C1orf21: variants seen among roughly 807,000 people sequenced by gnomAD.
C1orf21 encodes chromosome 1 open reading frame 21, also known as uncharacterized protein C1orf21.
C1orf21 carries 3 observed loss-of-function variants against 18.7 expected under a neutral mutation model. The observed-to-expected ratio is 0.16, with a 90% CI of 0.07 to 0.42. The LOEUF is 0.42. Ranked by LOEUF, C1orf21 falls within the 10% of genes least tolerant of loss-of-function variation. The pLI, the probability that C1orf21 is intolerant of heterozygous loss-of-function variation, is 0.99. For synonymous variants in C1orf21, 41 were observed against 46.4 expected (o/e 0.88, Z 0.47); for missense variants, 104 against 143.6 (o/e 0.72, Z 1.41).
At chr1:184,420,134 G>A (rs1194331876) in intron 1 of C1orf21, among the ~76,000 whole-genome samples, 2 of 152,068 alleles carry the variant, frequency 1.3e-5, no homozygotes, top group East Asian at 1.9e-4. Context: ...CAAAATGGAA[G>A]GAAGTTTTCA....
chr1:184,606,684 G>A (rs1659651431), intron 5 of C1orf21, among the ~76,000 whole-genome samples: 1 of 152,032 alleles, frequency 6.6e-6, no homozygotes, highest in Non-Finnish European at 1.5e-5. Flanking sequence ...TTGTAAGACT[G>A]ACTTCTTTGA....
At chr1:184,391,168 C>G (rs1247624187) in intron 1 of C1orf21, among the ~76,000 whole-genome samples, 4 of 152,050 alleles carry the variant, frequency 2.6e-5, no homozygotes, top group Non-Finnish European at 5.9e-5. Flanking sequence ...GCAATTATGA[C>G]AAGAGTGGTT....
chr1:184,455,916 G>A (rs1271356090), intron 1 of C1orf21, among the ~76,000 whole-genome samples: 2 of 152,204 alleles, frequency 1.3e-5, no homozygotes, highest in Middle Eastern at 3.4e-3. Context: ...CCTTTGGAAC[G>A]TTAAATTATT....
chr1:184,399,105 G>A (rs1656107963), intron 1 of C1orf21, among the ~76,000 whole-genome samples: 2 of 152,046 alleles, frequency 1.3e-5, no homozygotes, highest in South Asian at 4.2e-4. Context: ...CCTGAGAGAT[G>A]CATTTGTCTT....
intron 3 of C1orf21, among the ~76,000 whole-genome samples, chr1:184,537,646 C>A (rs903076644): frequency 1.3e-5 from 2 of 151,948 alleles, no homozygotes; most frequent in African/African-American, 4.8e-5. Flanking sequence ...AATTTCAATT[C>A]TTTTTATTTT....
Position 184,477,467 on chromosome 1 carries a change from A to G in C1orf21, c.-43A>G. ...AAAAAATGTCCCTGTGTCTGTAGAG[A>G]TGATTTGCAGTTCAGCCCGGCTGAA... is the stretch of plus-strand genomic sequence containing the variant. On this transcript the variant is annotated 5_prime_UTR_variant, in exon 2 of 6. It removes an upstream start codon present in the reference 5' UTR. Coordinates refer to ENST00000235307, the MANE Select transcript of C1orf21 (RefSeq NM_030806.4). The G allele has an allele frequency of 6.5e-7, 1 of 1,532,642 alleles. No individual in the cohort carries two copies. Among genetic ancestry groups the G allele is most frequent in the Non-Finnish European group, 9.0e-7 (1 of 1,112,566 alleles). 94.9% of individuals were successfully genotyped at this position (1,532,642 alleles called of 1,614,324 possible).
intron 3 of C1orf21, among the ~76,000 whole-genome samples, chr1:184,549,914 T>C (rs1009337302): frequency 6.6e-6 from 1 of 152,240 alleles, no homozygotes; most frequent in Non-Finnish European, 1.5e-5. Flanking sequence ...TGGTTTGATT[T>C]ATGATTTTTC....
At chr1:184,388,556 C>G (rs1422569942) in intron 1 of C1orf21, among the ~76,000 whole-genome samples, 1 of 152,048 alleles carries the variant, frequency 6.6e-6, no homozygotes, top group Non-Finnish European at 1.5e-5. Flanking sequence ...TAAAGACACA[C>G]GTAGTCTGAC....
intron 2 of C1orf21, among the ~76,000 whole-genome samples, chr1:184,497,422 C>T (rs1408075806): frequency 2.6e-5 from 4 of 152,216 alleles, no homozygotes; most frequent in African/African-American, 4.8e-5. Flanking sequence ...AGAAAAGGTA[C>T]AGACGGTCAG....
intron 3 of C1orf21, among the ~76,000 whole-genome samples, chr1:184,543,998 A>G (rs951708094): frequency 6.6e-6 from 1 of 152,172 alleles, no homozygotes; most frequent in African/African-American, 2.4e-5. Flanking sequence ...AAACACAGAC[A>G]TTTGGTTGCC....
chr1:184,459,955 TC>T (rs1657276694), intron 1 of C1orf21, among the ~76,000 whole-genome samples: 1 of 152,130 alleles, frequency 6.6e-6, no homozygotes, highest in African/African-American at 2.4e-5. Context: ...CTCCTCAGCC[TC>T]CCACAGCTGC....
intron 3 of C1orf21, among the ~76,000 whole-genome samples, chr1:184,511,069 G>C (rs1052970615): frequency 6.6e-6 from 1 of 152,216 alleles, no homozygotes; most frequent in African/African-American, 2.4e-5. Flanking sequence ...TGATGAGTTG[G>C]TGGTGGTGAG....
intron 5 of C1orf21, among the ~76,000 whole-genome samples, chr1:184,606,676 G>T (rs529177538): frequency 4.6e-5 from 7 of 152,086 alleles, no homozygotes; most frequent in African/African-American, 1.7e-4. Context: ...CATAGAAATT[G>T]TAAGACTGAC....
chr1:184,473,566 A>G (rs1210656265), intron 1 of C1orf21, among the ~76,000 whole-genome samples: 2 of 152,176 alleles, frequency 1.3e-5, no homozygotes, highest in Non-Finnish European at 2.9e-5. Flanking sequence ...ATGTTTTTGA[A>G]GGTCTGCTCA....
chr1:184,487,405 A>G (rs1007095184), intron 2 of C1orf21, among the ~76,000 whole-genome samples: 2 of 152,196 alleles, frequency 1.3e-5, no homozygotes, highest in African/African-American at 4.8e-5. Flanking sequence ...TTTCAAACGT[A>G]ATTATTATCA....
chr1:184,510,640 G>A (rs1217664618), intron 3 of C1orf21, among the ~76,000 whole-genome samples: 3 of 152,178 alleles, frequency 2.0e-5, no homozygotes, highest in African/African-American at 7.2e-5. Context: ...TTGGGAAATG[G>A]CAGAGAAGAG....
At chr1:184,408,174 G>C (rs764898741) in intron 1 of C1orf21, among the ~76,000 whole-genome samples, 2 of 152,206 alleles carry the variant, frequency 1.3e-5, no homozygotes, top group African/African-American at 4.8e-5. Context: ...AATGAGAAAA[G>C]TGTCCTAAAT....
intron 5 of C1orf21, among the ~76,000 whole-genome samples, chr1:184,615,989 TA>T (rs1401186244): frequency 2.0e-5 from 3 of 152,222 alleles, no homozygotes; most frequent in Non-Finnish European, 2.9e-5. Context: ...ATATTACTAC[TA>T]ACTCTAGTCA....
At chr1:184,599,382 C>T (rs1319438486) in intron 5 of C1orf21, 4 of 152,108 alleles carry the variant, frequency 2.6e-5, no homozygotes, top group South Asian at 2.1e-4. Flanking sequence ...TATCACTCAA[C>T]AGAAGATAAT....
Sources: allele counts gnomAD v4.1 joint callset (sites outside exome capture counted in the v4.1 genomes callset), GRCh38; gene constraint gnomAD v4.1.1; transcripts MANE v1.5; gene names NCBI Gene and HGNC (gene_info 2026-07-23, HGNC 2026-07-21).